The following ERBB4 variants were observed in gnomAD, a reference collection of about 807,000 sequenced individuals.
ERBB4 encodes receptor tyrosine-protein kinase erbB-4.
ERBB4 carries 42 observed loss-of-function variants against 158.0 expected under a neutral mutation model. That is an observed-to-expected ratio of 0.27 (90% CI 0.21 to 0.34). ERBB4 has a LOEUF of 0.34. Ranked by LOEUF, ERBB4 falls within the 10% of genes least tolerant of loss-of-function variation. The probability of loss-of-function intolerance (pLI) is 1.00; values close to 1 mark genes in which losing one functional copy is unlikely to be tolerated. For synonymous variants in ERBB4, 583 were observed against 558.7 expected, an observed-to-expected ratio of 1.04 and a Z score of -0.61; for missense variants, 1,333 against 1,624.1, an observed-to-expected ratio of 0.82 and a Z score of 3.08.
At chr2:211,922,914 G>T (rs1336135918) in intron 3 of ERBB4, among the ~76,000 whole-genome samples, 10 of 152,068 alleles carry the variant, frequency 6.6e-5, no homozygotes, top group Non-Finnish European at 1.3e-4. Context: ...AGAGTGTTTA[G>T]TATATTCTGG....
chr2:211,902,177 C>T (rs1026511477), intron 3 of ERBB4, among the ~76,000 whole-genome samples: 1 of 152,044 alleles, frequency 6.6e-6, no homozygotes, highest in African/African-American at 2.4e-5. Flanking sequence ...GCAGGGATTA[C>T]CCCTTGTTCT....
intron 1 of ERBB4, among the ~76,000 whole-genome samples, chr2:212,127,375 G>A (rs1267504939): frequency 2.0e-5 from 3 of 152,244 alleles, no homozygotes; most frequent in East Asian, 1.9e-4. Context: ...GGCGGATCAC[G>A]AGGTCAGGAG....
intron 4 of ERBB4, among the ~76,000 whole-genome samples, chr2:211,773,626 ATATAT>A (rs1287548074): frequency 0.024 from 1,866 of 78,536 alleles, 88 homozygotes; most frequent in African/African-American, 0.084. Context: ...ATATATATAT[ATATAT>A]ATATATATAT....
intron 1 of ERBB4, among the ~76,000 whole-genome samples, chr2:212,411,432 T>C (rs1414726534): frequency 1.3e-5 from 2 of 152,188 alleles, no homozygotes; most frequent in East Asian, 1.9e-4. Context: ...TACATCAAAA[T>C]AATCAATACA....
intron 1 of ERBB4, among the ~76,000 whole-genome samples, chr2:212,213,826 T>G (rs1184248472): frequency 2.6e-5 from 4 of 151,782 alleles, no homozygotes; most frequent in Non-Finnish European, 5.9e-5. Context: ...CTATTTTAGG[T>G]TGTAGCTGTA....
chr2:212,296,614 A>G (rs1306889508), intron 1 of ERBB4, among the ~76,000 whole-genome samples: 1 of 151,900 alleles, frequency 6.6e-6, no homozygotes, highest in Non-Finnish European at 1.5e-5. Flanking sequence ...TCCCCAGTCC[A>G]TTATCTGCCT....
intron 1 of ERBB4, among the ~76,000 whole-genome samples, chr2:212,193,164 A>G (rs1300493526): frequency 6.6e-6 from 1 of 152,168 alleles, no homozygotes; most frequent in Admixed American, 6.6e-5. Flanking sequence ...GGCAATGAAG[A>G]TGGCTTATAT....
At chr2:211,599,536 T>TGTGTGTGTGTGTGTG (rs1559336933) in intron 19 of ERBB4, among the ~76,000 whole-genome samples, 5 of 150,376 alleles carry the variant, frequency 3.3e-5, no homozygotes, top group Non-Finnish European at 7.4e-5. Context: ...TGTGTGTGTG[T>TGTGTGTGTGTGTGTG]TTCCTGTCAA....
intron 1 of ERBB4, among the ~76,000 whole-genome samples, chr2:212,300,940 G>T (rs1196920289): frequency 6.6e-6 from 1 of 151,414 alleles, no homozygotes; most frequent in African/African-American, 2.4e-5. Context: ...ATGCTTTATA[G>T]GTAACAGTTT....
intron 2 of ERBB4, among the ~76,000 whole-genome samples, chr2:212,016,214 C>A (rs2076526809): frequency 6.6e-6 from 1 of 150,818 alleles, no homozygotes; most frequent in Non-Finnish European, 1.5e-5. Context: ...AAGTTCACAT[C>A]AGGGGAACCC....
At chr2:212,428,447 A>G (rs1046007456) in intron 1 of ERBB4, among the ~76,000 whole-genome samples, 1 of 152,174 alleles carries the variant, frequency 6.6e-6, no homozygotes, top group African/African-American at 2.4e-5. Flanking sequence ...AAGAAAGATT[A>G]TATGAGGAAT....
intron 2 of ERBB4, among the ~76,000 whole-genome samples, chr2:212,043,508 C>A (rs546035748): frequency 6.6e-6 from 1 of 152,170 alleles, no homozygotes; most frequent in Admixed American, 6.5e-5. Context: ...AAAATGCAAT[C>A]AAGATTAACA....
At chr2:211,702,670 G>C (rs752515399) in intron 11 of ERBB4, among the ~76,000 whole-genome samples, 22 of 152,048 alleles carry the variant, frequency 1.4e-4, no homozygotes, top group Non-Finnish European at 2.8e-4. Flanking sequence ...TAATAATTGA[G>C]GAATGTGTAA....
chr2:211,601,524 G>T (rs1204141894), intron 19 of ERBB4, among the ~76,000 whole-genome samples: 2 of 151,840 alleles, frequency 1.3e-5, no homozygotes, highest in Non-Finnish European at 2.9e-5. Flanking sequence ...TCATTGCTTG[G>T]AAATTTTGGA....
At chr2:211,816,850 G>A (rs2076890210) in intron 3 of ERBB4, among the ~76,000 whole-genome samples, 1 of 152,112 alleles carries the variant, frequency 6.6e-6, no homozygotes. Flanking sequence ...TTGTAGAAAT[G>A]TCAGTAGTTA....
In ERBB4 at chr2:211,420,628, C is replaced by T. The variant is rs2063494520; in HGVS notation, c.2965-17G>A. 6.2e-7 allele frequency: 1 copy of T among 1,603,406 alleles called. No homozygotes were observed. Among genetic ancestry groups the T allele is most frequent in the Admixed American group, 1.7e-5 (1 of 59,808 alleles). ...ATCATCACCCTAAAAGAAAGATTGC[C>T]CATCAGACACAAATATGATTCTTTC... On this transcript the variant is annotated splice_polypyrimidine_tract_variant and intron_variant, in intron 24 of 27. Transcript: ENST00000342788.
chr2:211,613,727 C>A (rs1165044865), intron 19 of ERBB4, among the ~76,000 whole-genome samples: 1 of 151,958 alleles, frequency 6.6e-6, no homozygotes, highest in African/African-American at 2.4e-5. Context: ...TATCTCACCC[C>A]AGTTAAAATG....
In ERBB4 at chr2:211,946,576, C is replaced by CTCTT. The variant is rs1469968699; in HGVS notation, c.421+853_421+854insAAGA. 4.1e-3 allele frequency among the ~76,000 whole-genome samples: 201 copies of CTCTT among 49,590 alleles called. 1 individual carries two copies. Among genetic ancestry groups the CTCTT allele is most frequent in the East Asian group, 0.024 (31 of 1,314 alleles). The allele number at this position is 49,590 out of a possible 152,430, so 32.5% of individuals were successfully genotyped here. On this transcript the variant is annotated intron_variant, in intron 3 of 27. Coordinates refer to ENST00000342788, the MANE Select transcript of ERBB4 (RefSeq NM_005235.3). ...TACTAATTATTTACTAATTAGCTCT[C>CTCTT]TTTTTTTTTTTTTTTTTTTTTTTTT...
intron 2 of ERBB4, among the ~76,000 whole-genome samples, chr2:211,956,462 C>A (rs1038619206): frequency 6.6e-6 from 1 of 151,982 alleles, no homozygotes; most frequent in Non-Finnish European, 1.5e-5. Context: ...ACGATGCAGC[C>A]TAGTGATTAA....
Sources: allele counts gnomAD v4.1 joint callset (sites outside exome capture counted in the v4.1 genomes callset), GRCh38; gene constraint gnomAD v4.1.1; transcripts MANE v1.5; gene names NCBI Gene and HGNC (gene_info 2026-07-23, HGNC 2026-07-21).